The following EPB41L4A variants were observed in gnomAD, a reference collection of about 807,000 sequenced individuals.
EPB41L4A encodes the protein band 4.1-like protein 4A.
Under a neutral mutation model 108.6 loss-of-function variants are expected in EPB41L4A, and 100 were observed. The observed-to-expected ratio is 0.92, with a 90% CI of 0.78 to 1.09. EPB41L4A has a LOEUF of 1.09. EPB41L4A is among the 50% of genes least tolerant of loss of function. EPB41L4A has a pLI of 0.00. For missense variants in EPB41L4A, 1,030 were observed against 842.7 expected (o/e 1.22, Z -2.75); for synonymous variants, 319 against 289.0 (o/e 1.10, Z -1.05).
At chr5:112,192,844 C>G (rs550934030) in intron 17 of EPB41L4A, among the ~76,000 whole-genome samples, 1 of 152,210 alleles carries the variant, frequency 6.6e-6, no homozygotes, top group South Asian at 2.1e-4. Flanking sequence ...CTTATGGGCA[C>G]AATTTAGAAT....
At chr5:112,309,364 T>A (rs1754899371) in intron 1 of EPB41L4A, among the ~76,000 whole-genome samples, 2 of 152,288 alleles carry the variant, frequency 1.3e-5, no homozygotes, top group South Asian at 4.1e-4. Context: ...TTTTCTCTAC[T>A]CAGGGACGTT....
At chr5:112,299,234 A>C (rs1002932789) in intron 2 of EPB41L4A, among the ~76,000 whole-genome samples, 3 of 152,046 alleles carry the variant, frequency 2.0e-5, no homozygotes, top group African/African-American at 4.8e-5. Flanking sequence ...AGGTGTGACC[A>C]TAGATTGTCT....
At chr5:112,160,901 G>T (rs17134162), downstream of EPB41L4A, 10,735 of 156,388 alleles carry the variant, frequency 0.069, 1,021 homozygotes, top group East Asian at 0.24. Context: ...TGTGGTTTTT[G>T]CTCTGGGTCC....
intron 17 of EPB41L4A, among the ~76,000 whole-genome samples, chr5:112,190,713 C>A (rs79844496): frequency 6.6e-6 from 1 of 152,160 alleles, no homozygotes; most frequent in Non-Finnish European, 1.5e-5. Context: ...TACCTCCCCC[C>A]ACTCCCTGCC....
At chr5:112,348,071 A>G (rs1757800711) in intron 1 of EPB41L4A, among the ~76,000 whole-genome samples, 1 of 152,186 alleles carries the variant, frequency 6.6e-6, no homozygotes, top group South Asian at 2.1e-4. Flanking sequence ...CCTCCACTCC[A>G]GTCAAACTCA....
chr5:112,275,888 C>T (rs536881759), intron 3 of EPB41L4A, among the ~76,000 whole-genome samples: 2 of 152,254 alleles, frequency 1.3e-5, no homozygotes, highest in Non-Finnish European at 2.9e-5. Flanking sequence ...TTTAAACAGA[C>T]AGAAGGGCAT....
At chr5:112,159,709 A>G, downstream of EPB41L4A, among the ~76,000 whole-genome samples, 1 of 152,160 alleles carries the variant, frequency 6.6e-6, no homozygotes, top group Admixed American at 6.5e-5. Context: ...TCCTAGCCCC[A>G]TGAGCTACTG....
intron 1 of EPB41L4A, among the ~76,000 whole-genome samples, chr5:112,413,683 A>G (rs6882297): frequency 0.041 from 6,296 of 152,272 alleles, 437 homozygotes; most frequent in African/African-American, 0.14. Flanking sequence ...TGCCTAGCAG[A>G]TGGGACACTT....
At chr5:112,345,679 ATG>A (rs1219595340) in intron 1 of EPB41L4A, among the ~76,000 whole-genome samples, 1 of 151,738 alleles carries the variant, frequency 6.6e-6, no homozygotes, top group East Asian at 1.9e-4. Context: ...CAGGGAGGGC[ATG>A]TGTGTGTACG....
At chr5:112,391,603 G>A (rs918906955) in intron 1 of EPB41L4A, among the ~76,000 whole-genome samples, 1 of 152,198 alleles carries the variant, frequency 6.6e-6, no homozygotes, top group South Asian at 2.1e-4. Flanking sequence ...ATCTACGTCT[G>A]ATTGGTATAC....
downstream of EPB41L4A, chr5:112,160,449 C>T (rs947275895): frequency 1.3e-5 from 2 of 152,350 alleles, no homozygotes; most frequent in African/African-American, 4.8e-5. Flanking sequence ...CAGGCCAGGG[C>T]CTGGAGCATA....
intron 1 of EPB41L4A, among the ~76,000 whole-genome samples, chr5:112,354,998 A>AG (rs1369547978): frequency 6.6e-6 from 1 of 152,142 alleles, no homozygotes; most frequent in African/African-American, 2.4e-5. Context: ...AAAAGGAGGA[A>AG]GGGGGAAAAA....
intron 1 of EPB41L4A, among the ~76,000 whole-genome samples, chr5:112,321,226 C>G (rs981177974): frequency 3.9e-5 from 6 of 152,112 alleles, no homozygotes; most frequent in Non-Finnish European, 7.4e-5. Context: ...ACTGGAAGAC[C>G]AATGGGCATT....
rs1218821160 is a variant in EPB41L4A at position 112,203,654 on chromosome 5, T to C, written c.1376+721A>G. On this transcript the variant is annotated intron_variant, in intron 15 of 22. Transcript: ENST00000261486. The stretch of plus-strand genomic sequence containing the variant: ...ATGTAACAGGATTCATTTTTTTCTG[T>C]GCTTTAAAAGGCGTTTTTCAGCTAA... Among the ~76,000 whole-genome samples, 4 of 152,358 alleles carry C rather than the reference T, an allele frequency of 2.6e-5. No homozygotes were observed. In the East Asian group the frequency reaches 7.7e-4, roughly 29 times the overall value.
intron 1 of EPB41L4A, among the ~76,000 whole-genome samples, chr5:112,338,774 T>G (rs1452709617): frequency 6.6e-6 from 1 of 152,222 alleles, no homozygotes; most frequent in Non-Finnish European, 1.5e-5. Context: ...AAGCATTTAT[T>G]AGAACACACG....
At chr5:112,151,538 G>T (rs929535511) in intron 12 of EPB41L4A, among the ~76,000 whole-genome samples, 1 of 151,894 alleles carries the variant, frequency 6.6e-6, no homozygotes, top group African/African-American at 2.4e-5. Flanking sequence ...CTCCAAAGTA[G>T]CTGGGACCAC....
At chr5:112,385,677 A>G (rs1760473041) in intron 1 of EPB41L4A, among the ~76,000 whole-genome samples, 1 of 152,210 alleles carries the variant, frequency 6.6e-6, no homozygotes, top group Non-Finnish European at 1.5e-5. Flanking sequence ...GGAACATGTT[A>G]AGAGAGACTC....
At chr5:112,222,804 C>A (rs1252632557) in intron 12 of EPB41L4A, among the ~76,000 whole-genome samples, 1 of 152,146 alleles carries the variant, frequency 6.6e-6, no homozygotes, top group Non-Finnish European at 1.5e-5. Flanking sequence ...CCCATTCTTA[C>A]CCCAGGAGAG....
chr5:112,356,308 C>T (rs1758355605), intron 1 of EPB41L4A, among the ~76,000 whole-genome samples: 1 of 152,142 alleles, frequency 6.6e-6, no homozygotes, highest in African/African-American at 2.4e-5. Flanking sequence ...GAGGTTAATA[C>T]TATCATCAAA....
Sources: gnomAD v4.1 joint callset for allele counts (sites outside exome capture counted in the v4.1 genomes callset) on GRCh38, gnomAD v4.1.1 for gene constraint, MANE v1.5 for transcripts, NCBI Gene and HGNC (gene_info 2026-07-23, HGNC 2026-07-21) for gene names.